Variants in EIPR1 observed in about 807,000 individuals in gnomAD.
EIPR1 encodes the protein EARP and GARP complex-interacting protein 1.
A neutral mutation model predicts 48.1 loss-of-function variants in EIPR1; 25 were observed. The ratio of observed to expected loss-of-function variants is 0.52; its 90% CI spans 0.38 to 0.73. The LOEUF is 0.73. Ranked by LOEUF, EIPR1 falls within the 30% of genes least tolerant of loss-of-function variation. The probability of loss-of-function intolerance (pLI) is 0.00; values close to 1 mark genes in which losing one functional copy is unlikely to be tolerated. For missense variants in EIPR1, 415 were observed against 506.2 expected, an observed-to-expected ratio of 0.82 and a Z score of 1.73; for synonymous variants, 204 against 201.9, an observed-to-expected ratio of 1.01 and a Z score of -0.09.
chr2:3,369,025 C>T (rs1201443719), intron 1 of EIPR1, among the ~76,000 whole-genome samples: 1 of 151,682 alleles, frequency 6.6e-6, no homozygotes, highest in Non-Finnish European at 1.5e-5. Context: ...ATGTCACTGA[C>T]AAACAAACAA....
chr2:3,258,146 C>CTT (rs10624848), intron 3 of EIPR1, among the ~76,000 whole-genome samples: 100,429 of 151,856 alleles, frequency 0.66, 33,432 homozygotes, highest in East Asian at 0.81. Flanking sequence ...TCTTGATACT[C>CTT]TATTTTCAAG....
intron 3 of EIPR1, among the ~76,000 whole-genome samples, chr2:3,310,141 A>G (rs1227060637): frequency 6.6e-6 from 1 of 152,196 alleles, no homozygotes; most frequent in Non-Finnish European, 1.5e-5. Context: ...AAAGTTGTTT[A>G]TATATTAGGA....
intron 3 of EIPR1, among the ~76,000 whole-genome samples, chr2:3,302,135 G>C (rs1033559165): frequency 1.3e-5 from 2 of 152,134 alleles, no homozygotes; most frequent in African/African-American, 4.8e-5. Flanking sequence ...GCGACTTGGG[G>C]TTCCAGATCC....
intron 2 of EIPR1, among the ~76,000 whole-genome samples, chr2:3,350,247 A>G (rs918091349): frequency 6.6e-6 from 1 of 152,096 alleles, no homozygotes; most frequent in Non-Finnish European, 1.5e-5. Context: ...GCAACTTACT[A>G]TCACAGCAGA....
chr2:3,292,134 T>C (rs1668381920), intron 3 of EIPR1, among the ~76,000 whole-genome samples: 1 of 152,228 alleles, frequency 6.6e-6, no homozygotes, highest in South Asian at 2.1e-4. Context: ...CCTACTAACA[T>C]CTGGGGCCCT....
intron 1 of EIPR1, among the ~76,000 whole-genome samples, chr2:3,363,092 A>G (rs1558320936): frequency 6.6e-6 from 1 of 152,140 alleles, no homozygotes; most frequent in Non-Finnish European, 1.5e-5. Context: ...ATTTCCTCAC[A>G]AACACAACAC....
intron 5 of EIPR1, 79 bp downstream of exon 5, chr2:3,214,070 A>G (rs1462490373): frequency 4.4e-6 from 6 of 1,358,964 alleles, no homozygotes; most frequent in South Asian, 2.5e-5. Context: ...TCATTGTTCA[A>G]TTCCCACCTA....
Position 3,192,467 on chromosome 2 carries a change from G to A in EIPR1, c.936C>T (p.His312=). The change falls in exon 8 of 9, where the codon CAC becomes CAT. Residue 312 remains histidine, a synonymous_variant. Transcript: ENST00000382125. ...MVSISSEPFG[H]LVDDDDISDQ... ...CACTGATGTCATCGTCGTCTACCAA[G>A]TGGCCGAAGGGCTCCGACGAGATGG... 6.2e-7 allele frequency: 1 copy of A among 1,612,994 alleles called. No homozygotes were observed. The highest frequency in any genetic ancestry group is 8.5e-7 in the Non-Finnish European group (1 of 1,179,720).
chr2:3,366,887 T>C (rs1670986420), intron 1 of EIPR1, among the ~76,000 whole-genome samples: 1 of 151,970 alleles, frequency 6.6e-6, no homozygotes, highest in Admixed American at 6.6e-5. Context: ...ACCCCATCTC[T>C]ACTAAAAATA....
chr2:3,305,961 T>C (rs1668929867), intron 3 of EIPR1, among the ~76,000 whole-genome samples: 1 of 152,156 alleles, frequency 6.6e-6, no homozygotes, highest in Admixed American at 6.5e-5. Context: ...GACCTGAAAA[T>C]TTCAAATCGC....
intron 3 of EIPR1, among the ~76,000 whole-genome samples, chr2:3,302,802 C>T (rs1302059950): frequency 3.9e-5 from 6 of 152,206 alleles, no homozygotes; most frequent in African/African-American, 9.7e-5. Context: ...CCAGGCCAGC[C>T]GTGTCTGCAT....
intron 1 of EIPR1, among the ~76,000 whole-genome samples, chr2:3,365,215 A>T (rs1670944024): frequency 6.6e-6 from 1 of 152,032 alleles, no homozygotes; most frequent in South Asian, 2.1e-4. Flanking sequence ...AGGCGGAAAG[A>T]TTGCTTGAGC....
rs185542021 is a variant in EIPR1, at chr2:3,318,138, C to A, written c.259+19879G>T. 2.8e-3 allele frequency among the ~76,000 whole-genome samples: 422 copies of A among 152,376 alleles called. 1 individual carries two copies. The highest frequency in any genetic ancestry group is 4.2e-3 in the Non-Finnish European group (286 of 68,042). On this transcript the variant is annotated intron_variant, in intron 3 of 8. Coordinates refer to ENST00000382125, the MANE Select transcript of EIPR1 (RefSeq NM_003310.5). The stretch of plus-strand genomic sequence containing the variant: ...AAGTGGAACCGCTGCCATGTCGAAA[C>A]GGCTGTGGGCCAAGGGCAGGGCGCA...
chr2:3,207,085 G>T (rs989164358), intron 5 of EIPR1, among the ~76,000 whole-genome samples: 5 of 152,072 alleles, frequency 3.3e-5, no homozygotes, highest in African/African-American at 1.2e-4. Flanking sequence ...CTTCACCCAC[G>T]GCCCAGTGTT....
intron 4 of EIPR1, among the ~76,000 whole-genome samples, chr2:3,217,210 C>A (rs1445489169): frequency 6.6e-6 from 1 of 152,098 alleles, no homozygotes; most frequent in Admixed American, 6.5e-5. Flanking sequence ...TAATAAGACC[C>A]CATAACCTAG....
In EIPR1 at chr2:3,201,692, G is replaced by T. The variant is rs567925455; in HGVS notation, c.517-4675C>A. On this transcript the variant is annotated intron_variant, in intron 5 of 8. Coordinates refer to ENST00000382125, the MANE Select transcript of EIPR1 (RefSeq NM_003310.5). ...AGCTGGAAAATTCACGACCCTAAAC[G>T]CTAAGCCACAAGAAAACCTTTAGTA... Among the ~76,000 whole-genome samples, 20 of 152,270 alleles carry T rather than the reference G, an allele frequency of 1.3e-4. No individual in the cohort carries two copies. The South Asian group carries it at 4.1e-3, about 32-fold the overall frequency.
chr2:3,319,070 GAT>G, intron 3 of EIPR1: 1 of 417,386 alleles, frequency 2.4e-6, no homozygotes, highest in Non-Finnish European at 4.9e-6. Flanking sequence ...AAGTGTTTAA[GAT>G]ATTTAATCTC....
At chr2:3,217,936 C>T (rs1222246717) in intron 4 of EIPR1, among the ~76,000 whole-genome samples, 1 of 152,208 alleles carries the variant, frequency 6.6e-6, no homozygotes, top group Non-Finnish European at 1.5e-5. Context: ...CCCTCATAAG[C>T]TATGCTAAAT....
At chr2:3,262,955 C>G (rs1667378973) in intron 3 of EIPR1, among the ~76,000 whole-genome samples, 1 of 152,228 alleles carries the variant, frequency 6.6e-6, no homozygotes, top group African/African-American at 2.4e-5. Flanking sequence ...CAGAAAACTG[C>G]ATGGTAGGTG....
Sources: gnomAD v4.1 joint callset for allele counts (sites outside exome capture counted in the v4.1 genomes callset) on GRCh38, gnomAD v4.1.1 for gene constraint, MANE v1.5 for transcripts, NCBI Gene and HGNC (gene_info 2026-07-23, HGNC 2026-07-21) for gene names.